PTPRD: variants seen among roughly 807,000 people sequenced by gnomAD.
PTPRD encodes protein tyrosine phosphatase receptor type D, also known as receptor-type tyrosine-protein phosphatase delta.
Under a neutral mutation model 214.5 loss-of-function variants are expected in PTPRD, and 34 were observed. The ratio of observed to expected loss-of-function variants is 0.16; its 90% CI spans 0.12 to 0.21. The LOEUF (loss-of-function observed/expected upper bound fraction) is 0.21. Among genes scored for constraint, PTPRD ranks in the 10% least tolerant of loss-of-function variants. PTPRD has a pLI of 1.00. For synonymous variants in PTPRD, 1,128 were observed against 845.7 expected, an observed-to-expected ratio of 1.33 and a Z score of -5.79; for missense variants, 2,545 against 2,398.7, an observed-to-expected ratio of 1.06 and a Z score of -1.27.
chr9:10,078,769 T>G (rs745605264), intron 3 of PTPRD, among the ~76,000 whole-genome samples: 1 of 152,118 alleles, frequency 6.6e-6, no homozygotes, highest in Non-Finnish European at 1.5e-5. Flanking sequence ...TGTTTCCTAT[T>G]CTTTCTTCTG....
At chr9:8,454,442 G>A (rs2096096310) in intron 33 of PTPRD, 1 of 770,296 alleles carries the variant, frequency 1.3e-6, no homozygotes, top group South Asian at 1.6e-5. Context: ...CTGTGTATAT[G>A]TAGGCTTTGC....
intron 2 of PTPRD, among the ~76,000 whole-genome samples, chr9:10,454,311 T>C (rs1459698282): frequency 6.6e-6 from 1 of 151,488 alleles, no homozygotes; most frequent in Admixed American, 6.6e-5. Context: ...CTCACCTAAA[T>C]CCTTATACTG....
intron 8 of PTPRD, among the ~76,000 whole-genome samples, chr9:9,521,021 A>G (rs1203636697): frequency 6.6e-6 from 1 of 152,176 alleles, no homozygotes; most frequent in East Asian, 1.9e-4. Context: ...GATGATTTTT[A>G]TGCACACTAA....
At position 9,824,924 on chromosome 9, in the gene PTPRD, G is replaced by A. The variant is rs188209768; in HGVS notation, c.-367-58073C>T. 1.8e-4 allele frequency among the ~76,000 whole-genome samples: 27 copies of A among 152,038 alleles called. No homozygotes were observed. The East Asian group carries it at 2.3e-3, about 13-fold the overall frequency. ...TGAATTAAGACAAAGCATATAAAGT[G>A]GGCTCTGGTACCAGATGATCTGGTT... is the stretch of plus-strand genomic sequence containing the variant. On this transcript the variant is annotated intron_variant, in intron 5 of 45. Coordinates refer to ENST00000381196, the MANE Select transcript of PTPRD (RefSeq NM_002839.4).
chr9:10,263,043 T>C (rs532264783), intron 3 of PTPRD, among the ~76,000 whole-genome samples: 1 of 152,294 alleles, frequency 6.6e-6, no homozygotes, highest in Admixed American at 6.5e-5. Flanking sequence ...CCTGCCACCA[T>C]GTAAGGTGTG....
intron 3 of PTPRD, among the ~76,000 whole-genome samples, chr9:10,067,891 C>G (rs549610531): frequency 3.3e-5 from 5 of 151,852 alleles, no homozygotes; most frequent in Non-Finnish European, 5.9e-5. Context: ...GTGAAATACT[C>G]CCATTATGGT....
chr9:9,699,991 C>T (rs1338926497), intron 7 of PTPRD, among the ~76,000 whole-genome samples: 1 of 152,104 alleles, frequency 6.6e-6, no homozygotes, highest in Admixed American at 6.5e-5. Context: ...TGTTGGTACG[C>T]TGATGTTACT....
At chr9:9,351,543 T>C (rs1316395393) in intron 9 of PTPRD, among the ~76,000 whole-genome samples, 2 of 152,044 alleles carry the variant, frequency 1.3e-5, no homozygotes, top group African/African-American at 4.8e-5. Context: ...GAGGGCTTTA[T>C]TAATCAGGGA....
rs543508635 is a variant in PTPRD, at chr9:10,117,809, A to G, written c.-544-84019T>C. 3.3e-5 allele frequency among the ~76,000 whole-genome samples: 5 copies of G among 152,080 alleles called. 1 individual carries two copies. In the South Asian group the frequency reaches 1.0e-3, roughly 32 times the overall value. Reference sequence around the variant, plus strand: ...AAAAAAAATCTTGAAATTTCTGACTAAAGAAACTGAATATGTTTATTTACC... The same window carrying G: ...AAAAAAAATCTTGAAATTTCTGACTGAAGAAACTGAATATGTTTATTTACC... On this transcript the variant is annotated intron_variant, in intron 3 of 45. Coordinates refer to ENST00000381196, the MANE Select transcript of PTPRD (RefSeq NM_002839.4).
chr9:10,551,247 G>A (rs2061295226), intron 2 of PTPRD, among the ~76,000 whole-genome samples: 1 of 152,154 alleles, frequency 6.6e-6, no homozygotes, highest in Admixed American at 6.5e-5. Context: ...GCTGAGGCAG[G>A]AGGATCCCTC....
intron 11 of PTPRD, among the ~76,000 whole-genome samples, chr9:8,990,503 C>T (rs2099362195): frequency 6.6e-6 from 1 of 152,120 alleles, no homozygotes; most frequent in Non-Finnish European, 1.5e-5. Context: ...CTCAGAAGCT[C>T]TTTCTCTCTG....
At position 9,860,128 on chromosome 9, in the gene PTPRD, C is replaced by T. The variant is rs2062404163; in HGVS notation, c.-368+78379G>A. The stretch of plus-strand genomic sequence containing the variant: ...AACAATATCTACTATAAAACAAAAG[C>T]CAAATAATTGGTAAGGTAAAACTAT... On this transcript the variant is annotated intron_variant, in intron 5 of 45. Coordinates refer to ENST00000381196, the MANE Select transcript of PTPRD (RefSeq NM_002839.4). Among the ~76,000 whole-genome samples, 3 of 152,080 alleles carry T rather than the reference C, an allele frequency of 2.0e-5. No individual in the cohort carries two copies. The South Asian group carries it at 6.2e-4, about 32-fold the overall frequency.
At chr9:9,938,094 C>T (rs954037219) in intron 5 of PTPRD, among the ~76,000 whole-genome samples, 12 of 152,068 alleles carry the variant, frequency 7.9e-5, no homozygotes, top group East Asian at 3.9e-4. Flanking sequence ...AAGGGTTACT[C>T]GGCCCTCAGG....
rs182169667 is a variant in PTPRD, at chr9:8,978,153, G to T, written c.-104+40544C>A. Among the ~76,000 whole-genome samples the T allele has an allele frequency of 5.4e-3, 816 of 152,140 alleles. 5 individuals are homozygous for T. Among genetic ancestry groups the T allele is most frequent in the Middle Eastern group, 0.01 (3 of 294 alleles). ...AATCCATAAGCCTTAAGTAATTAAC[G>T]TAAATTTTGGGGAAGGGAGGTCCTT... On this transcript the variant is annotated intron_variant, in intron 11 of 45. Coordinates refer to ENST00000381196, the MANE Select transcript of PTPRD (RefSeq NM_002839.4).
intron 14 of PTPRD, among the ~76,000 whole-genome samples, chr9:8,610,505 A>G (rs2095409472): frequency 6.6e-6 from 1 of 152,146 alleles, no homozygotes; most frequent in South Asian, 2.1e-4. Flanking sequence ...CTGAATCCAA[A>G]CTAAAAACCA....
chr9:9,090,977 C>G (rs923436762), intron 10 of PTPRD: 1 of 1,574,172 alleles, frequency 6.4e-7, no homozygotes, highest in Admixed American at 1.7e-5. Context: ...ACTAACTGTG[C>G]CCGATGCATG....
At chr9:10,145,150 A>G (rs1351883963) in intron 3 of PTPRD, among the ~76,000 whole-genome samples, 1 of 152,164 alleles carries the variant, frequency 6.6e-6, no homozygotes, top group Middle Eastern at 3.2e-3. Flanking sequence ...TTTAATAACT[A>G]TTCAAAGACA....
intron 2 of PTPRD, among the ~76,000 whole-genome samples, chr9:10,529,030 GTTTC>G (rs1241858334): frequency 5.9e-5 from 9 of 152,138 alleles, no homozygotes; most frequent in South Asian, 2.1e-4. Flanking sequence ...TCCTAGTTTA[GTTTC>G]TTTCTTTTTT....
chr9:10,391,528 A>G (rs1209990491), intron 2 of PTPRD, among the ~76,000 whole-genome samples: 1 of 151,812 alleles, frequency 6.6e-6, no homozygotes, highest in South Asian at 2.1e-4. Context: ...TTTTTCTTAT[A>G]GTTAAGACAG....
Sources: gnomAD v4.1 joint callset for allele counts (sites outside exome capture counted in the v4.1 genomes callset) on GRCh38, gnomAD v4.1.1 for gene constraint, MANE v1.5 for transcripts, NCBI Gene and HGNC (gene_info 2026-07-23, HGNC 2026-07-21) for gene names.